Variants in NKAIN2 observed in about 807,000 individuals in gnomAD.
The protein encoded by NKAIN2 is sodium/potassium-transporting ATPase subunit beta-1-interacting protein 2.
In NKAIN2, 14 loss-of-function variants were observed where a neutral mutation model predicts 32.6. That is an observed-to-expected ratio of 0.43 (90% CI 0.28 to 0.67). NKAIN2 has a LOEUF of 0.67. Ranked by LOEUF, NKAIN2 falls within the 30% of genes least tolerant of loss-of-function variation. The probability of loss-of-function intolerance (pLI) is 0.17; values close to 1 mark genes in which losing one functional copy is unlikely to be tolerated. For missense variants in NKAIN2, 198 were observed against 258.3 expected (o/e 0.77, Z 1.60); for synonymous variants, 80 against 87.2 (o/e 0.92, Z 0.46).
chr6:124,625,406 G>GTGAC (rs1783280177), intron 3 of NKAIN2, among the ~76,000 whole-genome samples: 1 of 152,174 alleles, frequency 6.6e-6, no homozygotes, highest in Non-Finnish European at 1.5e-5. Flanking sequence ...CACTTATGCT[G>GTGAC]TGACTCTACT....
chr6:124,792,169 G>T (rs1013519464), intron 5 of NKAIN2, among the ~76,000 whole-genome samples: 4 of 152,196 alleles, frequency 2.6e-5, no homozygotes, highest in South Asian at 4.1e-4. Context: ...TTTACTCTGA[G>T]GAAAAATCAG....
At chr6:124,585,283 A>G (rs905121114) in intron 3 of NKAIN2, among the ~76,000 whole-genome samples, 1 of 152,218 alleles carries the variant, frequency 6.6e-6, no homozygotes, top group Non-Finnish European at 1.5e-5. Flanking sequence ...GGGGATAGAG[A>G]GTAGAACAAT....
chr6:124,471,200 C>A (rs1236559305), intron 3 of NKAIN2, among the ~76,000 whole-genome samples: 1 of 151,924 alleles, frequency 6.6e-6, no homozygotes, highest in Non-Finnish European at 1.5e-5. Context: ...TCATTTATAT[C>A]CTTCCTTTCA....
In NKAIN2 at chr6:123,976,364, TATATTCCC is replaced by T. The variant is rs1362698565; in HGVS notation, c.54+172115_54+172122del. 2.5e-3 allele frequency among the ~76,000 whole-genome samples: 56 copies of T among 22,796 alleles called. 8 individuals carry two copies. The highest frequency in any genetic ancestry group is 3.2e-3 in the Non-Finnish European group (39 of 12,282). 15.0% of individuals were successfully genotyped at this position (22,796 alleles called of 152,430 possible). A position where few individuals can be genotyped will look rare whatever the true frequency, so the allele number is the denominator to read the frequency against. ...ATATGTTCCCATATATATATATATA[TATATTCCC>T]ATATATATATATATATATATATATA... On this transcript the variant is annotated intron_variant, in intron 1 of 6. Coordinates refer to ENST00000368417, the MANE Select transcript of NKAIN2 (RefSeq NM_001040214.3).
intron 1 of NKAIN2, among the ~76,000 whole-genome samples, chr6:123,813,872 C>G (rs1187711225): frequency 6.9e-6 from 1 of 144,836 alleles, no homozygotes; most frequent in Admixed American, 6.9e-5. Context: ...TTTTTTTCGT[C>G]TTTTTTTCTG....
chr6:124,408,809 T>C (rs1774000360), intron 3 of NKAIN2, among the ~76,000 whole-genome samples: 1 of 152,220 alleles, frequency 6.6e-6, no homozygotes. Context: ...TTTCACGATA[T>C]TGATTCTTCC....
At chr6:124,622,685 T>TGGGGAGCTGGAA (rs573816552) in intron 3 of NKAIN2, among the ~76,000 whole-genome samples, 5 of 152,078 alleles carry the variant, frequency 3.3e-5, no homozygotes, top group African/African-American at 1.2e-4. Context: ...GCAGGGTGGA[T>TGGGGAGCTGGAA]GGGGAGCTGG....
chr6:124,034,214 A>G (rs941598633), intron 1 of NKAIN2, among the ~76,000 whole-genome samples: 6 of 151,996 alleles, frequency 3.9e-5, no homozygotes, highest in African/African-American at 9.7e-5. Context: ...TTCGACTTCT[A>G]TTGAATTCAT....
chr6:124,135,389 C>G (rs892922528), intron 1 of NKAIN2, among the ~76,000 whole-genome samples: 4 of 151,544 alleles, frequency 2.6e-5, no homozygotes, highest in African/African-American at 9.7e-5. Flanking sequence ...ACTCACCTAA[C>G]ACATAAGGAC....
chr6:123,936,728 G>A (rs1776526403), intron 1 of NKAIN2, among the ~76,000 whole-genome samples: 1 of 151,994 alleles, frequency 6.6e-6, no homozygotes, highest in Non-Finnish European at 1.5e-5. Context: ...TTATTTGTGT[G>A]CCACTAAATT....
chr6:124,609,667 A>C (rs1782621635), intron 3 of NKAIN2, among the ~76,000 whole-genome samples: 1 of 151,154 alleles, frequency 6.6e-6, no homozygotes, highest in Admixed American at 6.6e-5. Context: ...CGGAAGCCCC[A>C]CACATTTTTT....
chr6:124,418,651 T>C (rs1052049135), intron 3 of NKAIN2, among the ~76,000 whole-genome samples: 1 of 150,606 alleles, frequency 6.6e-6, no homozygotes, highest in Non-Finnish European at 1.5e-5. Flanking sequence ...TATCACGTAG[T>C]GCATGCCATT....
At chr6:124,353,581 C>T (rs570606741) in intron 2 of NKAIN2, among the ~76,000 whole-genome samples, 71 of 152,038 alleles carry the variant, frequency 4.7e-4, no homozygotes, top group African/African-American at 1.6e-3. Flanking sequence ...GGTGAAACCC[C>T]GTCTCTACTA....
At chr6:124,690,042 G>A (rs1470361811) in intron 4 of NKAIN2, among the ~76,000 whole-genome samples, 2 of 152,116 alleles carry the variant, frequency 1.3e-5, no homozygotes, top group Non-Finnish European at 2.9e-5. Context: ...ATCAAGTTCA[G>A]AAGAACAGAT....
At chr6:124,822,015 T>C (rs148350604) in intron 6 of NKAIN2, among the ~76,000 whole-genome samples, 1 of 152,360 alleles carries the variant, frequency 6.6e-6, no homozygotes, top group East Asian at 1.9e-4. Flanking sequence ...TATTACATTC[T>C]GATTTTTAAT....
chr6:124,434,967 T>C (rs1775375748), intron 3 of NKAIN2, among the ~76,000 whole-genome samples: 1 of 152,176 alleles, frequency 6.6e-6, no homozygotes, highest in South Asian at 2.1e-4. Flanking sequence ...GTAAATATTA[T>C]ATGCAGCCAT....
intron 3 of NKAIN2, among the ~76,000 whole-genome samples, chr6:124,545,488 T>G (rs907416507): frequency 3.3e-5 from 5 of 152,120 alleles, no homozygotes; most frequent in Non-Finnish European, 5.9e-5. Context: ...GTGAGAATCT[T>G]TGGATGACTA....
chr6:123,966,527 C>T (rs67237625), intron 1 of NKAIN2, among the ~76,000 whole-genome samples: 37,626 of 152,020 alleles, frequency 0.25, 5,766 homozygotes, highest in East Asian at 0.61. Flanking sequence ...CATCACAATG[C>T]GTAGATACAC....
At chr6:123,868,008 A>G (rs966219192) in intron 1 of NKAIN2, among the ~76,000 whole-genome samples, 1 of 151,952 alleles carries the variant, frequency 6.6e-6, no homozygotes, top group East Asian at 1.9e-4. Context: ...AGCTGGGACT[A>G]CAGGCGCACA....
Sources: gnomAD v4.1 joint callset for allele counts (sites outside exome capture counted in the v4.1 genomes callset) on GRCh38, gnomAD v4.1.1 for gene constraint, MANE v1.5 for transcripts, NCBI Gene and HGNC (gene_info 2026-07-23, HGNC 2026-07-21) for gene names.